TENM4: variants seen among roughly 807,000 people sequenced by gnomAD.
TENM4 encodes teneurin transmembrane protein 4, also known as teneurin-4.
A neutral mutation model predicts 243.3 loss-of-function variants in TENM4; 82 were observed. The ratio of observed to expected loss-of-function variants is 0.34; its 90% CI spans 0.28 to 0.40. The LOEUF (loss-of-function observed/expected upper bound fraction) is 0.40, where lower values mean the gene tolerates loss of function less well. TENM4 is among the 10% of genes least tolerant of loss of function. TENM4 has a pLI of 1.00. For synonymous variants in TENM4, 1,412 were observed against 1,456.3 expected, an observed-to-expected ratio of 0.97 and a Z score of 0.69; for missense variants, 3,138 against 3,673.3, an observed-to-expected ratio of 0.85 and a Z score of 3.77.
intron 3 of TENM4, among the ~76,000 whole-genome samples, chr11:79,149,535 A>G (rs1321811188): frequency 1.5e-5 from 2 of 130,986 alleles, no homozygotes; most frequent in African/African-American, 3.3e-5. Flanking sequence ...TTATAAATAT[A>G]TCTCAATATA....
At chr11:79,269,670 C>A (rs1405237644) in intron 2 of TENM4, 1 of 152,290 alleles carries the variant, frequency 6.6e-6, no homozygotes, top group South Asian at 2.1e-4. Context: ...CTCTGAAAAG[C>A]AGTGCCCCTG....
In TENM4 at chr11:78,856,132, T is replaced by A; in HGVS notation, c.1302A>T (p.Gly434=). ...FFPEDSFIDS[G]EIDVGRRASQ... is the part of the protein sequence containing the mutation. ...AAGCTCGCCTTCCCACATCAATTTC[T>A]CCAGAATCTATGAAACTGTCCTCTG... The change falls in exon 11 of 34, where the codon GGA becomes GGT. Residue 434 remains glycine (G), a synonymous_variant. Coordinates refer to ENST00000278550, the MANE Select transcript of TENM4 (RefSeq NM_001098816.3). 1 of 1,551,594 alleles carries A rather than the reference T, an allele frequency of 6.4e-7. No homozygotes were observed.
intron 18 of TENM4, among the ~76,000 whole-genome samples, chr11:78,764,535 T>C (rs1032793431): frequency 6.6e-6 from 1 of 152,254 alleles, no homozygotes; most frequent in African/African-American, 2.4e-5. Context: ...CATGCATTTT[T>C]TTATGTAAGA....
rs532333084 is a variant in TENM4, at chr11:79,236,839, G to A, written c.-264-20930C>T. ...GTTACAGGAGGTGGTGACTATGCTC[G>A]GGTGCACTGGATCTTCCCACCCACA... On this transcript the variant is annotated intron_variant, in intron 2 of 33. Coordinates refer to ENST00000278550, the MANE Select transcript of TENM4 (RefSeq NM_001098816.3). Among the ~76,000 whole-genome samples the A allele has an allele frequency of 3.7e-4, 56 of 152,230 alleles. 2 individuals carry two copies. In the Middle Eastern group the frequency reaches 0.024, roughly 65 times the overall value.
chr11:79,257,333 T>C (rs764547667), intron 2 of TENM4, among the ~76,000 whole-genome samples: 66 of 152,150 alleles, frequency 4.3e-4, no homozygotes, highest in Non-Finnish European at 7.2e-4. Context: ...GTAGAGATAA[T>C]AGTTCAATGA....
At chr11:78,698,413 A>T (rs767424596) in intron 28 of TENM4, among the ~76,000 whole-genome samples, 2 of 152,096 alleles carry the variant, frequency 1.3e-5, no homozygotes, top group Non-Finnish European at 2.9e-5. Context: ...CAAACCAACC[A>T]ACCAACCAAC....
chr11:79,072,681 A>G (rs1170332955), intron 4 of TENM4, among the ~76,000 whole-genome samples: 1 of 152,152 alleles, frequency 6.6e-6, no homozygotes, highest in East Asian at 1.9e-4. Flanking sequence ...CTCTAAATTG[A>G]TATCACAACC....
At chr11:78,928,789 A>G (rs1420306296) in intron 6 of TENM4, among the ~76,000 whole-genome samples, 1 of 152,232 alleles carries the variant, frequency 6.6e-6, no homozygotes, top group Non-Finnish European at 1.5e-5. Flanking sequence ...TTAAAGTGAC[A>G]TGGACCTGGA....
intron 2 of TENM4, among the ~76,000 whole-genome samples, chr11:79,259,486 C>G (rs922102025): frequency 6.6e-6 from 1 of 151,662 alleles, no homozygotes; most frequent in African/African-American, 2.4e-5. Context: ...TCTGTCCATC[C>G]ATCCATCTAT....
intron 9 of TENM4, among the ~76,000 whole-genome samples, chr11:78,887,152 T>G (rs1167479409): frequency 1.3e-5 from 2 of 152,222 alleles, no homozygotes; most frequent in Non-Finnish European, 2.9e-5. Context: ...ATGAAACACT[T>G]CTGTATTAGC....
intron 1 of TENM4, among the ~76,000 whole-genome samples, chr11:79,308,163 A>G (rs1437628640): frequency 6.6e-6 from 1 of 152,260 alleles, no homozygotes; most frequent in East Asian, 1.9e-4. Context: ...CTGGAGTCCC[A>G]GGAGTTTGGG....
intron 6 of TENM4, among the ~76,000 whole-genome samples, chr11:78,915,256 C>G (rs1856288343): frequency 6.6e-6 from 1 of 152,198 alleles, no homozygotes; most frequent in African/African-American, 2.4e-5. Flanking sequence ...CTCCAGGAAG[C>G]CTTCTCTGAC....
rs925549233 is a variant in TENM4, at chr11:79,110,275, A to G, written c.-66+38435T>C. 9.2e-5 allele frequency among the ~76,000 whole-genome samples: 14 copies of G among 152,204 alleles called. No homozygotes were observed. The South Asian group carries it at 2.9e-3, about 32-fold the overall frequency. ...TGCCATAAGCCTACTATACAGCCCA[A>G]CCCTTAACAGCTCACAGCACACAGA... On this transcript the variant is annotated intron_variant, in intron 4 of 33. Transcript: ENST00000278550.
intron 17 of TENM4, among the ~76,000 whole-genome samples, chr11:78,775,466 A>G (rs1356908250): frequency 2.0e-5 from 3 of 152,210 alleles, no homozygotes; most frequent in Non-Finnish European, 4.4e-5. Context: ...TCCACAGTCA[A>G]TTTCTTCAAA....
At chr11:79,402,085 G>T in intron 1 of TENM4, 1 of 418,630 alleles carries the variant, frequency 2.4e-6, no homozygotes, top group Non-Finnish European at 5.2e-6. Context: ...CCCCCAGCTA[G>T]ATTGTAAGCT....
intron 6 of TENM4, among the ~76,000 whole-genome samples, chr11:78,958,910 G>A (rs989825461): frequency 3.3e-5 from 5 of 152,210 alleles, no homozygotes; most frequent in African/African-American, 1.2e-4. Context: ...ATGGGGGTGT[G>A]GAGATAGGGA....
At chr11:78,931,644 G>A (rs1174404419) in intron 6 of TENM4, among the ~76,000 whole-genome samples, 1 of 152,202 alleles carries the variant, frequency 6.6e-6, no homozygotes, top group African/African-American at 2.4e-5. Flanking sequence ...CCGTGATAGA[G>A]TATCTGGTTA....
intron 6 of TENM4, among the ~76,000 whole-genome samples, chr11:78,986,218 G>A (rs1035569385): frequency 6.6e-6 from 1 of 152,170 alleles, no homozygotes; most frequent in African/African-American, 2.4e-5. Context: ...ATTTCTGAAA[G>A]TTCTATAACT....
intron 1 of TENM4, among the ~76,000 whole-genome samples, chr11:79,341,190 C>T (rs772906879): frequency 5.3e-5 from 8 of 152,162 alleles, no homozygotes; most frequent in East Asian, 1.9e-4. Flanking sequence ...GTTGAATTTC[C>T]GATCTCAGGA....
Sources: gnomAD v4.1 joint callset for allele counts (sites outside exome capture counted in the v4.1 genomes callset) on GRCh38, gnomAD v4.1.1 for gene constraint, MANE v1.5 for transcripts, NCBI Gene and HGNC (gene_info 2026-07-23, HGNC 2026-07-21) for gene names.